The following TDG variants were observed in gnomAD, a reference collection of about 807,000 sequenced individuals.
TDG encodes the protein thymine DNA glycosylase.
Under a neutral mutation model 46.1 loss-of-function variants are expected in TDG, and 23 were observed. The observed-to-expected ratio is 0.50, with a 90% CI of 0.36 to 0.71. TDG has a LOEUF of 0.71. Ranked by LOEUF, TDG falls within the 30% of genes least tolerant of loss-of-function variation. The probability of loss-of-function intolerance (pLI) is 0.00; values close to 1 mark genes in which losing one functional copy is unlikely to be tolerated. For missense variants in TDG, 304 were observed against 486.7 expected, an observed-to-expected ratio of 0.62 and a Z score of 3.53; for synonymous variants, 115 against 161.3, an observed-to-expected ratio of 0.71 and a Z score of 2.18.
intron 9 of TDG, 172 bp from the exon 10 acceptor site, chr12:103,986,776 T>G: frequency 1.6e-6 from 1 of 606,528 alleles, no homozygotes; most frequent in Non-Finnish European, 2.8e-6. Flanking sequence ...TCCCAGTGCT[T>G]TGAGAGGCTA....
intron 2 of TDG, among the ~76,000 whole-genome samples, chr12:103,978,058 C>CACAAAA (rs1349532875): frequency 1.4e-5 from 2 of 143,632 alleles, no homozygotes; most frequent in Non-Finnish European, 3.0e-5. Context: ...GAGACTCTGT[C>CACAAAA]TCAAAAACAA....
At chr12:103,978,516 T>C (rs1871647182) in intron 2 of TDG, among the ~76,000 whole-genome samples, 1 of 152,188 alleles carries the variant, frequency 6.6e-6, no homozygotes, top group Non-Finnish European at 1.5e-5. Context: ...CTTCCCCAGC[T>C]ACATGCCAGT....
At position 103,973,619 on chromosome 12, in the gene TDG, C is replaced by A. The variant is rs546387323; in HGVS notation, c.24-3299C>A. The stretch of plus-strand genomic sequence containing the variant: ...ATTTAAATCATGAATGTTGAACAAC[C>A]AATATTTTAACAATTTATTGCATAG... On this transcript the variant is annotated intron_variant, in intron 1 of 9. Coordinates refer to ENST00000392872, the MANE Select transcript of TDG (RefSeq NM_003211.6). Among the ~76,000 whole-genome samples, 23 of 152,144 alleles carry A rather than the reference C, an allele frequency of 1.5e-4. No homozygotes were observed. In the Middle Eastern group the frequency reaches 0.01, roughly 67 times the overall value.
Position 103,965,877 on chromosome 12 carries a change from C to A in TDG, c.-161C>A. On this transcript the variant is annotated 5_prime_UTR_variant, in exon 1 of 10. Coordinates refer to ENST00000392872, the MANE Select transcript of TDG (RefSeq NM_003211.6). ...GGGGGTCCGTGGGGGACGGTAGAAG[C>A]CTGGAGGAGGAGCTTGAGTCCAGCC... 8.6e-7 allele frequency: 1 copy of A among 1,167,232 alleles called. No homozygotes were observed. The highest frequency in any genetic ancestry group is 1.2e-6 in the Non-Finnish European group (1 of 843,468). The allele number at this position is 1,167,232 out of a possible 1,614,324, so 72.3% of individuals were successfully genotyped here.
At chr12:103,985,564 T>C (rs757686502) in intron 8 of TDG, 39 bp from the exon 9 acceptor site, 2 of 1,559,714 alleles carry the variant, frequency 1.3e-6, no homozygotes, top group Non-Finnish European at 1.7e-6. Flanking sequence ...AAAATTGTTG[T>C]ACAAAATCAG....
intron 1 of TDG, among the ~76,000 whole-genome samples, chr12:103,976,549 A>G (rs4135083): frequency 0.038 from 5,861 of 152,256 alleles, 400 homozygotes; most frequent in African/African-American, 0.14. Context: ...AGGGGCACAA[A>G]TTGTATTTGG....
intron 1 of TDG, among the ~76,000 whole-genome samples, chr12:103,971,505 G>A (rs1871281247): frequency 1.3e-5 from 2 of 152,026 alleles, no homozygotes; most frequent in Admixed American, 1.3e-4. Flanking sequence ...GCAGTGAGCC[G>A]AGATCATGCC....
intron 1 of TDG, among the ~76,000 whole-genome samples, chr12:103,966,809 G>A (rs761894661): frequency 2.0e-5 from 3 of 152,122 alleles, no homozygotes; most frequent in Non-Finnish European, 4.4e-5. Context: ...AAAAACCTAT[G>A]CCTAATGAAG....
At chr12:103,980,231 G>A (rs1871758170) in intron 3 of TDG, 159 bp downstream of exon 3, 6 of 974,740 alleles carry the variant, frequency 6.2e-6, no homozygotes, top group Non-Finnish European at 8.9e-6. Context: ...TTATATGAGA[G>A]TGTTTAAGAG....
intron 1 of TDG, among the ~76,000 whole-genome samples, chr12:103,970,585 A>T (rs145277720): frequency 6.6e-6 from 1 of 152,240 alleles, no homozygotes; most frequent in African/African-American, 2.4e-5. Context: ...TAGTTTTTTG[A>T]AATACAGCAA....
At chr12:103,968,016 G>A (rs1354631612) in intron 1 of TDG, 1 of 134,278 alleles carries the variant, frequency 7.4e-6, no homozygotes, top group Non-Finnish European at 1.7e-5. Context: ...ATTTAGCAGA[G>A]ACGAGGTTTC....
intron 5 of TDG, 49 bp downstream of exon 5, chr12:103,982,983 G>C: frequency 6.2e-7 from 1 of 1,606,742 alleles, no homozygotes; most frequent in African/African-American, 1.3e-5. Flanking sequence ...GAGTATGCTG[G>C]TGCCCCAAAT....
intron 1 of TDG, among the ~76,000 whole-genome samples, chr12:103,971,369 C>G (rs1871276645): frequency 6.6e-6 from 1 of 152,152 alleles, no homozygotes; most frequent in Non-Finnish European, 1.5e-5. Context: ...TGACACCAGC[C>G]TGACCAACAT....
At chr12:103,966,244 C>G (rs1053877580) in intron 1 of TDG, among the ~76,000 whole-genome samples, 184 bp downstream of exon 1, 1 of 152,170 alleles carries the variant, frequency 6.6e-6, no homozygotes, top group Non-Finnish European at 1.5e-5. Flanking sequence ...TGGTGGAGGT[C>G]GGGGCTGCTC....
At position 103,988,321 on chromosome 12, in the gene TDG, C is replaced by T. The variant is rs1334604688; in HGVS notation, c.*1231C>T. 7 of 152,646 alleles carry T rather than the reference C, an allele frequency of 4.6e-5. No homozygotes were observed. Among genetic ancestry groups the T allele is most frequent in the African/African-American group, 1.7e-4 (7 of 41,478 alleles). The allele number at this position is 152,646 out of a possible 1,614,324, so 9.5% of individuals were successfully genotyped here. A position where few individuals can be genotyped will look rare whatever the true frequency, so the allele number is the denominator to read the frequency against. On this transcript the variant is annotated 3_prime_UTR_variant, in exon 10 of 10. Transcript: ENST00000392872. ...TAAAATATTTATGAGGTCTCCCCCA[C>T]CCCCAGGAGGTTATATGATTGCTCT...
chr12:103,975,320 C>T (rs1231553983), intron 1 of TDG, among the ~76,000 whole-genome samples: 1 of 152,126 alleles, frequency 6.6e-6, no homozygotes, highest in Non-Finnish European at 1.5e-5. Context: ...AAATTCAACA[C>T]ATGTTTACAA....
rs1327074727 is a variant in TDG, at chr12:103,988,753, T to C, written c.*1663T>C. The stretch of plus-strand genomic sequence containing the variant: ...TAACATGACAGATGAGTAGTAAATG[T>C]TGATATATCCTATACATGACAGTGT... On this transcript the variant is annotated 3_prime_UTR_variant, in exon 10 of 10. Transcript: ENST00000392872. 6.6e-6 allele frequency: 1 copy of C among 152,318 alleles called. No individual in the cohort carries two copies. Among genetic ancestry groups the C allele is most frequent in the East Asian group, 1.9e-4 (1 of 5,206 alleles). 9.4% of individuals were successfully genotyped at this position (152,318 alleles called of 1,614,324 possible).
At chr12:103,977,156 T>A in intron 2 of TDG, 96 bp downstream of exon 2, 1 of 1,505,868 alleles carries the variant, frequency 6.6e-7, no homozygotes, top group Non-Finnish European at 8.9e-7. Flanking sequence ...ATTTTAGTGT[T>A]AAAAAGTCAA....
Position 103,984,285 on chromosome 12 carries a change from G to T in TDG, c.793-464G>T, listed in dbSNP as rs143126340. Among the ~76,000 whole-genome samples the T allele has an allele frequency of 4.3e-4, 66 of 152,138 alleles. No individual in the cohort carries two copies. In the East Asian group the frequency reaches 0.012, roughly 28 times the overall value. ...TAGAGAAATTCCTGTAGAGTACTGT[G>T]TCATTCTCTGTTACATGCCATTTGG... On this transcript the variant is annotated intron_variant, in intron 7 of 9. Transcript: ENST00000392872.
Sources: gnomAD v4.1 joint callset for allele counts (sites outside exome capture counted in the v4.1 genomes callset) on GRCh38, gnomAD v4.1.1 for gene constraint, MANE v1.5 for transcripts, NCBI Gene and HGNC (gene_info 2026-07-23, HGNC 2026-07-21) for gene names.